The following IL1RAPL2 variants were observed in gnomAD, a reference collection of about 807,000 sequenced individuals.
IL1RAPL2 encodes interleukin 1 receptor accessory protein like 2, also known as X-linked interleukin-1 receptor accessory protein-like 2.
IL1RAPL2 carries 3 observed loss-of-function variants against 44.1 expected under a neutral mutation model. That is an observed-to-expected ratio of 0.07 (90% confidence interval 0.03 to 0.18). The LOEUF (loss-of-function observed/expected upper bound fraction) is 0.18. IL1RAPL2 is among the 10% of genes least tolerant of loss of function. IL1RAPL2 has a pLI of 1.00. For missense variants in IL1RAPL2, 391 were observed against 496.4 expected, an observed-to-expected ratio of 0.79 and a Z score of 2.02; for synonymous variants, 181 against 178.8, an observed-to-expected ratio of 1.01 and a Z score of -0.10.
chrX:105,133,772 A>C (rs1362857578), intron 2 of IL1RAPL2, among the ~76,000 whole-genome samples: 2 of 110,375 alleles, frequency 1.8e-5, no homozygotes, highest in Non-Finnish European at 3.8e-5. Context: ...AGGAGGGGCA[A>C]ACTCCCTCAG....
Position 104,931,742 on chromosome X carries a change from CT to C in IL1RAPL2, c.83-263727del, listed in dbSNP as rs757992652. On this transcript the variant is annotated intron_variant, in intron 2 of 10. Coordinates refer to ENST00000372582, the MANE Select transcript of IL1RAPL2 (RefSeq NM_017416.2). ...AATTATTGAAAATAAATTAAAAGAACTTTTTTATTATTGGTAGAACTTTATT... is the reference window on the plus strand; with the variant it reads ...AATTATTGAAAATAAATTAAAAGAACTTTTTATTATTGGTAGAACTTTATT... Among the ~76,000 whole-genome samples, 453 of 111,100 alleles carry C rather than the reference CT, an allele frequency of 4.1e-3. 5 individuals are homozygous for C. Among genetic ancestry groups the C allele is most frequent in the African/African-American group, 0.014 (434 of 30,672 alleles).
chrX:104,582,596 T>C (rs201087021), intron 1 of IL1RAPL2, among the ~76,000 whole-genome samples: 28 of 52,180 alleles, frequency 5.4e-4, no homozygotes, highest in Non-Finnish European at 8.3e-4. Context: ...CTTTCTTTCT[T>C]TTTCTTTCTT....
intron 3 of IL1RAPL2, among the ~76,000 whole-genome samples, chrX:105,231,395 C>T (rs1378085009): frequency 9.0e-6 from 1 of 111,580 alleles, no homozygotes; most frequent in Non-Finnish European, 1.9e-5. Context: ...TGATATTTGA[C>T]AAGCCATATA....
chrX:105,242,870 C>T (rs1156331765), intron 4 of IL1RAPL2, among the ~76,000 whole-genome samples: 7 of 110,860 alleles, frequency 6.3e-5, no homozygotes, highest in African/African-American at 2.0e-4. Context: ...GAGACCAAGG[C>T]GGGCGGATCA....
intron 2 of IL1RAPL2, among the ~76,000 whole-genome samples, chrX:105,160,274 T>C (rs1254868556): frequency 2.7e-5 from 3 of 110,994 alleles, no homozygotes; most frequent in Non-Finnish European, 5.7e-5. Flanking sequence ...AGCTTGCCCA[T>C]GCTTTAAGGA....
chrX:105,447,961 A>T (rs928848459), intron 5 of IL1RAPL2, among the ~76,000 whole-genome samples: 66 of 100,349 alleles, frequency 6.6e-4, no homozygotes, highest in African/African-American at 2.3e-3. Context: ...AATATATATA[A>T]ATATATTAAA....
At chrX:104,819,494 A>C (rs905212450) in intron 2 of IL1RAPL2, among the ~76,000 whole-genome samples, 8 of 112,123 alleles carry the variant, frequency 7.1e-5, no homozygotes, top group Non-Finnish European at 1.3e-4. Flanking sequence ...TTTTTTTTAT[A>C]TCATGGGAGG....
intron 2 of IL1RAPL2, among the ~76,000 whole-genome samples, chrX:104,988,450 T>C (rs980771517): frequency 1.8e-5 from 2 of 112,066 alleles, no homozygotes; most frequent in Admixed American, 1.9e-4. Context: ...AATATCTTGT[T>C]TCTAAATGGA....
chrX:104,720,292 A>G (rs183244492), intron 2 of IL1RAPL2, among the ~76,000 whole-genome samples: 136 of 111,769 alleles, frequency 1.2e-3, no homozygotes, highest in African/African-American at 4.1e-3. Flanking sequence ...AAATTTTCCA[A>G]TGTAATTCAG....
At chrX:104,768,603 A>C (rs1404926485) in intron 2 of IL1RAPL2, among the ~76,000 whole-genome samples, 1 of 111,092 alleles carries the variant, frequency 9.0e-6, no homozygotes, top group East Asian at 2.8e-4. Context: ...TGGGTTGCCA[A>C]AACAGGTGAA....
intron 3 of IL1RAPL2, chrX:105,219,336 T>G: frequency 8.3e-7 from 1 of 1,211,425 alleles, no homozygotes; most frequent in Non-Finnish European, 1.1e-6. Context: ...CTGATGAGGC[T>G]CTGGACCAGG....
chrX:105,714,737 A>G (rs2038242878), intron 6 of IL1RAPL2, among the ~76,000 whole-genome samples: 1 of 111,779 alleles, frequency 8.9e-6, no homozygotes, highest in Admixed American at 9.4e-5. Flanking sequence ...TTATCTTCCA[A>G]AGGTCTTACT....
At chrX:105,267,057 A>T (rs1403785536) in intron 4 of IL1RAPL2, among the ~76,000 whole-genome samples, 1 of 111,615 alleles carries the variant, frequency 9.0e-6, no homozygotes, top group African/African-American at 3.3e-5. Context: ...CATTATAATA[A>T]TATTTAGTGA....
intron 5 of IL1RAPL2, among the ~76,000 whole-genome samples, chrX:105,370,026 A>T (rs1392783857): frequency 8.9e-6 from 1 of 111,932 alleles, no homozygotes; most frequent in Non-Finnish European, 1.9e-5. Context: ...TAATTCCCTT[A>T]TACCAATAAC....
chrX:104,640,779 G>A (rs1929918629), intron 1 of IL1RAPL2, among the ~76,000 whole-genome samples: 1 of 112,302 alleles, frequency 8.9e-6, no homozygotes, highest in Admixed American at 9.4e-5. Flanking sequence ...GTTAATGCCT[G>A]TGATTTCCTT....
rs1042289754 is a variant in IL1RAPL2 at position 104,575,747 on chromosome X, G to A, written c.-20+8696G>A. Among the ~76,000 whole-genome samples, 4 of 111,496 alleles carry A rather than the reference G, an allele frequency of 3.6e-5. No individual in the cohort carries two copies. In the Admixed American group the frequency reaches 3.8e-4, roughly 11 times the overall value. ...TGACTTTTTCCCCTATACACCATTA[G>A]TTTTTTAATATTCAGCATCTATGTC... On this transcript the variant is annotated intron_variant, in intron 1 of 10. Transcript: ENST00000372582.
chrX:105,353,993 A>G (rs1297380370), intron 5 of IL1RAPL2, among the ~76,000 whole-genome samples: 12 of 110,736 alleles, frequency 1.1e-4, no homozygotes, highest in East Asian at 2.9e-4. Context: ...GTGAGAGAGG[A>G]CATCCCTGTC....
chrX:104,807,739 C>T (rs981717664), intron 2 of IL1RAPL2, among the ~76,000 whole-genome samples: 3 of 110,993 alleles, frequency 2.7e-5, no homozygotes, highest in Non-Finnish European at 3.8e-5. Context: ...ATCCGTTTTC[C>T]CTCTCACATA....
intron 1 of IL1RAPL2, among the ~76,000 whole-genome samples, chrX:104,615,759 G>C (rs776875418): frequency 6.0e-4 from 67 of 111,691 alleles, no homozygotes; most frequent in African/African-American, 2.1e-3. Context: ...AAGACTGCTG[G>C]GTCAAATGGT....
Sources: gnomAD v4.1 joint callset for allele counts (sites outside exome capture counted in the v4.1 genomes callset) on GRCh38, gnomAD v4.1.1 for gene constraint, MANE v1.5 for transcripts, NCBI Gene and HGNC (gene_info 2026-07-23, HGNC 2026-07-21) for gene names.